The following NUP98 variants were observed in gnomAD, a reference collection of about 807,000 sequenced individuals.
The protein encoded by NUP98 is nucleoporin 98 and 96 precursor.
In NUP98, 26 loss-of-function variants were observed where a neutral mutation model predicts 191.9. The observed-to-expected ratio is 0.14, with a 90% CI of 0.10 to 0.19. The LOEUF is 0.19. Among genes scored for constraint, NUP98 ranks in the 10% least tolerant of loss-of-function variants. The pLI is 1.00. For missense variants in NUP98, 1,941 were observed against 2,178.8 expected, an observed-to-expected ratio of 0.89 and a Z score of 2.17; for synonymous variants, 808 against 778.4, an observed-to-expected ratio of 1.04 and a Z score of -0.63.
intron 12 of NUP98, among the ~76,000 whole-genome samples, chr11:3,743,302 C>T (rs994384595): frequency 1.4e-5 from 2 of 148,104 alleles, no homozygotes; most frequent in Non-Finnish European, 3.0e-5. Flanking sequence ...TAGGCGTGGG[C>T]CACCAGGTCC....
intron 1 of NUP98, among the ~76,000 whole-genome samples, chr11:3,785,579 CA>C (rs1035259272): frequency 4.6e-5 from 7 of 152,058 alleles, no homozygotes; most frequent in Non-Finnish European, 2.9e-5. Flanking sequence ...GCCAACATGG[CA>C]AAACCCCGCC....
chr11:3,693,102 T>G (rs981416594), intron 27 of NUP98, 130 bp downstream of exon 27: 2 of 852,362 alleles, frequency 2.3e-6, no homozygotes, highest in East Asian at 2.5e-5. Flanking sequence ...AAACAGACAC[T>G]TGGGGAAGTA....
chr11:3,731,116 T>G (rs2079830937), intron 14 of NUP98, among the ~76,000 whole-genome samples: 1 of 152,098 alleles, frequency 6.6e-6, no homozygotes, highest in Admixed American at 6.5e-5. Context: ...AATACAAAAT[T>G]AGCTGGGCGT....
At chr11:3,796,717 C>T (rs995900132) in intron 1 of NUP98, among the ~76,000 whole-genome samples, 1 of 152,194 alleles carries the variant, frequency 6.6e-6, no homozygotes. Context: ...CTGGCATTGG[C>T]TAATCCTGCC....
chr11:3,692,834 AAG>A (rs2078361847), intron 27 of NUP98, among the ~76,000 whole-genome samples: 1 of 152,236 alleles, frequency 6.6e-6, no homozygotes, highest in Non-Finnish European at 1.5e-5. Context: ...TATGAACAGT[AAG>A]ATAATTCAAG....
intron 28 of NUP98, 128 bp downstream of exon 28, chr11:3,691,217 TAA>T: frequency 1.1e-6 from 1 of 905,770 alleles, no homozygotes; most frequent in Non-Finnish European, 1.7e-6. Context: ...TCAACTACTT[TAA>T]GTTATATTTG....
chr11:3,744,946 T>C (rs1483136542), intron 11 of NUP98, among the ~76,000 whole-genome samples: 1 of 152,204 alleles, frequency 6.6e-6, no homozygotes, highest in Non-Finnish European at 1.5e-5. Flanking sequence ...TCATAAAGCA[T>C]TTAGAAGACA....
In NUP98 at chr11:3,752,048, C is replaced by T. The variant is rs2080778839; in HGVS notation, c.1267+1268G>A. Among the ~76,000 whole-genome samples the T allele has an allele frequency of 2.0e-5, 3 of 148,564 alleles. No individual in the cohort carries two copies. The Admixed American group carries it at 2.0e-4, about 10-fold the overall frequency. On this transcript the variant is annotated intron_variant, in intron 11 of 32. Coordinates refer to ENST00000324932, the MANE Select transcript of NUP98 (RefSeq NM_016320.5). ...AAAATTAGCTGGGTACGGTGGCGTGCGACTGTAGTCCCAGCTACTCGGGAA... is the reference window on the plus strand; with the variant it reads ...AAAATTAGCTGGGTACGGTGGCGTGTGACTGTAGTCCCAGCTACTCGGGAA...
rs112869680 is a variant in NUP98 at position 3,699,646 on chromosome 11, T to C, written c.3743-298A>G. ...ATGGCTAGTGTCATCTCAGATGATA[T>C]CTACTTTGATCAAATTCTGTCTATA... On this transcript the variant is annotated intron_variant, in intron 24 of 32. Coordinates refer to ENST00000324932, the MANE Select transcript of NUP98 (RefSeq NM_016320.5). Among the ~76,000 whole-genome samples the C allele has an allele frequency of 3.6e-3, 554 of 152,338 alleles. 2 individuals carry two copies. Among genetic ancestry groups the C allele is most frequent in the African/African-American group, 0.012 (514 of 41,576 alleles).
At chr11:3,694,960 G>C (rs538425307) in intron 26 of NUP98, among the ~76,000 whole-genome samples, 1 of 152,024 alleles carries the variant, frequency 6.6e-6, no homozygotes, top group African/African-American at 2.4e-5. Flanking sequence ...TATTTCATTT[G>C]TATATACAAA....
chr11:3,686,035 C>T lies in NUP98; in HGVS notation c.4614G>A (p.Gln1538=), dbSNP rs746106510. ...ACTCCCAGAGCCCCTCACTTTCAAGCTGGCCAGCGTAACTGGCCTGTAGCA... is the reference window on the plus strand; with the variant it reads ...ACTCCCAGAGCCCCTCACTTTCAAGTTGGCCAGCGTAACTGGCCTGTAGCA... ...EGVLQASYAG[Q]LESEGLWEWA... The change falls in exon 29 of 33, where the codon CAG becomes CAA. Residue 1538 remains glutamine (Q), a synonymous_variant. Transcript: ENST00000324932. The T allele has an allele frequency of 8.1e-6, 13 of 1,614,216 alleles. No individual in the cohort carries two copies. In the South Asian group the frequency reaches 1.3e-4, roughly 16 times the overall value.
chr11:3,777,307 GA>G (rs2081766451), intron 4 of NUP98, among the ~76,000 whole-genome samples: 1 of 152,142 alleles, frequency 6.6e-6, no homozygotes, highest in African/African-American at 2.4e-5. Context: ...ATATATTGCT[GA>G]AAGTATGAGA....
At chr11:3,778,709 A>G (rs186230921) in intron 4 of NUP98, among the ~76,000 whole-genome samples, 164 bp downstream of exon 4, 1 of 152,306 alleles carries the variant, frequency 6.6e-6, no homozygotes, top group East Asian at 1.9e-4. Flanking sequence ...CTTCCTTTCC[A>G]GCCTATTAAC....
In NUP98 at chr11:3,735,275, C is replaced by G. The variant is rs900448862; in HGVS notation, c.1458G>C (p.Gln486His). The G allele has an allele frequency of 2.5e-6, 4 of 1,586,904 alleles. No homozygotes were observed. Among genetic ancestry groups the G allele is most frequent in the Non-Finnish European group, 2.6e-6 (3 of 1,164,392 alleles). ...ASAAQQAVLQ[Q>H]HINSLTYSPF... ...GTGAGTATGTTAGACTATTGATGTG[C>G]TGCTGGAGAACAGCCTGCTGGGCAG... The change falls in exon 13 of 33, where the codon CAG (glutamine) becomes CAC (histidine). Residue 486 changes from glutamine to histidine, a missense_variant. Physicochemically the swap from Gln to His is conservative, Grantham distance 24. Transcript: ENST00000324932.
chr11:3,771,379 T>C (rs1230874622), intron 7 of NUP98, among the ~76,000 whole-genome samples: 1 of 152,170 alleles, frequency 6.6e-6, no homozygotes, highest in Non-Finnish European at 1.5e-5. Flanking sequence ...TCGTATAAAA[T>C]ATGGCCCCTA....
intron 12 of NUP98, among the ~76,000 whole-genome samples, chr11:3,737,733 A>C (rs2080123368): frequency 6.6e-6 from 1 of 152,116 alleles, no homozygotes; most frequent in African/African-American, 2.4e-5. Flanking sequence ...ATACTAAAAC[A>C]CCGTACATTC....
intron 20 of NUP98, chr11:3,712,347 A>G (rs1039638636): frequency 7.3e-7 from 1 of 1,370,212 alleles, no homozygotes; most frequent in Admixed American, 3.3e-5. Flanking sequence ...GTAGAGGAAT[A>G]ATCCAAACAG....
intron 10 of NUP98, among the ~76,000 whole-genome samples, chr11:3,759,199 G>T (rs956483965): frequency 6.6e-6 from 1 of 152,184 alleles, no homozygotes; most frequent in African/African-American, 2.4e-5. Context: ...AAATCCTCAA[G>T]AAATACTTGA....
chr11:3,746,667 C>T (rs1291289250), intron 11 of NUP98, among the ~76,000 whole-genome samples: 1 of 151,756 alleles, frequency 6.6e-6, no homozygotes, highest in African/African-American at 2.4e-5. Flanking sequence ...AATCCTAGCA[C>T]TGTGGGAAGC....
Sources: gnomAD v4.1 joint callset for allele counts (sites outside exome capture counted in the v4.1 genomes callset) on GRCh38, gnomAD v4.1.1 for gene constraint, MANE v1.5 for transcripts, NCBI Gene and HGNC (gene_info 2026-07-23, HGNC 2026-07-21) for gene names.